PAH: variants seen among roughly 807,000 people sequenced by gnomAD.
PAH encodes phenylalanine-4-hydroxylase.
A neutral mutation model predicts 62.0 loss-of-function variants in PAH; 64 were observed. That is an observed-to-expected ratio of 1.03 (90% CI 0.84 to 1.27). The LOEUF is 1.27. PAH is among the 50% of genes most tolerant of loss of function. The probability of loss-of-function intolerance (pLI) is 0.00; values close to 1 mark genes in which losing one functional copy is unlikely to be tolerated. For synonymous variants in PAH, 195 were observed against 196.2 expected, an observed-to-expected ratio of 0.99 and a Z score of 0.05; for missense variants, 579 against 542.8, an observed-to-expected ratio of 1.07 and a Z score of -0.66.
intron 1 of PAH, chr12:102,950,289 G>A (rs1328562668): frequency 1.3e-5 from 2 of 152,274 alleles, no homozygotes; most frequent in African/African-American, 2.4e-5. Flanking sequence ...GCCTAGGGAA[G>A]AGTGGTGGGG....
At chr12:102,888,165 A>ACTT (rs1447946215) in intron 3 of PAH, among the ~76,000 whole-genome samples, 1 of 152,098 alleles carries the variant, frequency 6.6e-6, no homozygotes. Context: ...CACGCTAGGC[A>ACTT]CTTTATGCAA....
At chr12:102,895,869 AATATAT>A (rs1555208128) in intron 2 of PAH, among the ~76,000 whole-genome samples, 5 of 118,744 alleles carry the variant, frequency 4.2e-5, no homozygotes, top group African/African-American at 3.6e-5. Flanking sequence ...AAAAAAAAAA[AATATAT>A]ATATATATAT....
At chr12:102,949,768 G>A (rs1428647375) in intron 1 of PAH, among the ~76,000 whole-genome samples, 1 of 152,150 alleles carries the variant, frequency 6.6e-6, no homozygotes, top group Non-Finnish European at 1.5e-5. Context: ...TATTTATTTG[G>A]GGTGGGAGAT....
intron 4 of PAH, among the ~76,000 whole-genome samples, chr12:102,872,943 G>A (rs1434550942): frequency 2.0e-5 from 3 of 152,180 alleles, no homozygotes; most frequent in African/African-American, 7.2e-5. Flanking sequence ...ACTCCAGCCT[G>A]GGCAGCAAGA....
chr12:102,856,979 C>T (rs956638457), intron 5 of PAH, among the ~76,000 whole-genome samples: 18 of 152,192 alleles, frequency 1.2e-4, no homozygotes, highest in African/African-American at 4.3e-4. Flanking sequence ...CAAAGCTGGA[C>T]AGAGAATGAC....
At chr12:102,875,048 G>A (rs973698258) in intron 4 of PAH, among the ~76,000 whole-genome samples, 2 of 152,186 alleles carry the variant, frequency 1.3e-5, no homozygotes, top group African/African-American at 2.4e-5. Context: ...AGGCCTGTGG[G>A]CCCCGGGGTC....
At chr12:102,934,330 C>T (rs1034334930) in intron 1 of PAH, among the ~76,000 whole-genome samples, 2 of 151,946 alleles carry the variant, frequency 1.3e-5, no homozygotes, top group Non-Finnish European at 2.9e-5. Context: ...TACTATAGCT[C>T]TGTATTATAA....
intron 1 of PAH, among the ~76,000 whole-genome samples, chr12:102,925,082 T>G (rs1375034877): frequency 2.0e-5 from 3 of 152,160 alleles, no homozygotes; most frequent in Admixed American, 6.5e-5. Flanking sequence ...TCCCCAATCC[T>G]TCATAGAATA....
chr12:102,851,835 T>C (rs1378036264), intron 7 of PAH, 79 bp from the exon 8 acceptor site: 14 of 1,041,232 alleles, frequency 1.3e-5, no homozygotes, highest in Non-Finnish European at 2.1e-5. Context: ...ACATGAGGAA[T>C]GGGCAGAAAG....
rs760738010 is a variant in PAH, at chr12:102,839,141, T to C, written c.*34A>G. 4 of 1,602,302 alleles carry C rather than the reference T, an allele frequency of 2.5e-6. No individual in the cohort carries two copies. The highest frequency in any genetic ancestry group is 2.6e-6 in the Non-Finnish European group (3 of 1,169,564). The stretch of plus-strand genomic sequence containing the variant: ...AAATAGTTGGATCTCCATCAACAGA[T>C]TCACAGCTGACAGACCACATTCTGT... On this transcript the variant is annotated 3_prime_UTR_variant, in exon 13 of 13. Transcript: ENST00000553106.
At chr12:102,935,476 C>T (rs1191665408) in intron 1 of PAH, among the ~76,000 whole-genome samples, 1 of 151,994 alleles carries the variant, frequency 6.6e-6, no homozygotes, top group Non-Finnish European at 1.5e-5. Flanking sequence ...TTGGTATTAT[C>T]TCTTCTTTAA....
chr12:102,894,790 C>A lies in PAH; in HGVS notation c.297G>T (p.Arg99Ser). 5 of 1,614,014 alleles carry A rather than the reference C, an allele frequency of 3.1e-6. No individual in the cohort carries two copies. The highest frequency in any genetic ancestry group is 3.4e-6 in the Non-Finnish European group (4 of 1,179,966). ...PALTNIIKIL[R>S]HDIGATVHEL... is the part of the protein sequence containing the mutation. ...CATGGACAGTGGCACCAATGTCATG[C>A]CTCAAGATCTTGATGATGTTTGTCA... Residue 99 changes from arginine (R) to serine (S), a missense_variant, in exon 3 of 13, where the codon AGG becomes AGT. Physicochemically the swap from Arg to Ser is moderately radical, Grantham distance 110. Coordinates refer to ENST00000553106, the MANE Select transcript of PAH (RefSeq NM_000277.3).
intron 4 of PAH, among the ~76,000 whole-genome samples, chr12:102,870,139 TTGTG>T (rs962085800): frequency 2.0e-5 from 3 of 152,122 alleles, no homozygotes; most frequent in Admixed American, 1.3e-4. Context: ...GAGGTATAAT[TTGTG>T]TGTGTGGGTG....
At chr12:102,852,988 A>C (rs752794451) in intron 6 of PAH, 38 bp from the exon 7 acceptor site, 2 of 1,611,402 alleles carry the variant, frequency 1.2e-6, no homozygotes, top group Non-Finnish European at 1.7e-6. Flanking sequence ...AAAGCTCATC[A>C]CCACTGAGTC....
rs141469116 is a variant in PAH at position 102,923,037 on chromosome 12, C to A, written c.-95-5812G>T. The stretch of plus-strand genomic sequence containing the variant: ...GTCCACTTTCCCTATAGTTTTCAAC[C>A]CAATGTGACATTGTATACTTTACCA... On this transcript the variant is annotated intron_variant, in intron 1 of 3. Transcript: ENST00000546844. Among the ~76,000 whole-genome samples, 5 of 152,246 alleles carry A rather than the reference C, an allele frequency of 3.3e-5. No homozygotes were observed. The East Asian group carries it at 9.6e-4, about 29-fold the overall frequency.
Position 102,848,500 on chromosome 12 carries a change from T to C in PAH, c.913-1549A>G, listed in dbSNP as rs34213541. Among the ~76,000 whole-genome samples, 32 of 29,036 alleles carry C rather than the reference T, an allele frequency of 1.1e-3. 2 individuals carry two copies. Among genetic ancestry groups the C allele is most frequent in the Admixed American group, 1.3e-3 (3 of 2,292 alleles). The allele number at this position is 29,036 out of a possible 152,430, so 19.0% of individuals were successfully genotyped here. A position where few individuals can be genotyped will look rare whatever the true frequency, so the allele number is the denominator to read the frequency against. ...ACAGGACACCAGGAGACTGGAGAGG[T>C]TGAGGATAGACAGGACACCAGGAGA... On this transcript the variant is annotated intron_variant, in intron 8 of 12. Coordinates refer to ENST00000553106, the MANE Select transcript of PAH (RefSeq NM_000277.3).
chr12:102,876,048 T>C (rs1876551944), intron 4 of PAH, among the ~76,000 whole-genome samples: 1 of 152,110 alleles, frequency 6.6e-6, no homozygotes, highest in Admixed American at 6.5e-5. Context: ...TGATTTTTTT[T>C]TTTCTGTTTG....
chr12:102,950,573 G>C (rs575051192), intron 1 of PAH: 1 of 152,430 alleles, frequency 6.6e-6, no homozygotes, highest in South Asian at 2.1e-4. Context: ...CCACACAATG[G>C]GGACACACGA....
intron 3 of PAH, among the ~76,000 whole-genome samples, chr12:102,887,271 G>A (rs1272600907): frequency 6.6e-6 from 1 of 151,850 alleles, no homozygotes; most frequent in African/African-American, 2.4e-5. Context: ...AGAAAGAAAA[G>A]CTGCATGAAA....
Sources: allele counts gnomAD v4.1 joint callset (sites outside exome capture counted in the v4.1 genomes callset), GRCh38; gene constraint gnomAD v4.1.1; transcripts MANE v1.5; gene names NCBI Gene and HGNC (gene_info 2026-07-23, HGNC 2026-07-21).